The following LHFPL2 variants were observed in gnomAD, a reference collection of about 807,000 sequenced individuals.
The protein encoded by LHFPL2 is LHFPL tetraspan subfamily member 2.
Under a neutral mutation model 17.5 loss-of-function variants are expected in LHFPL2, and 7 were observed. That is an observed-to-expected ratio of 0.40 (90% CI 0.23 to 0.75). LHFPL2 has a LOEUF of 0.75. Among genes scored for constraint, LHFPL2 ranks in the 30% least tolerant of loss-of-function variants. The pLI, the probability that LHFPL2 is intolerant of heterozygous loss-of-function variation, is 0.37. For synonymous variants in LHFPL2, 134 were observed against 116.2 expected (o/e 1.15, Z -0.99); for missense variants, 241 against 294.8 (o/e 0.82, Z 1.34).
chr5:78,547,668 A>C (rs530187447), intron 3 of LHFPL2, among the ~76,000 whole-genome samples: 11 of 151,706 alleles, frequency 7.3e-5, no homozygotes, highest in African/African-American at 2.7e-4. Context: ...AACAGGGACA[A>C]AAAAAAAATT....
At chr5:78,508,744 C>G (rs373315557) in intron 4 of LHFPL2, among the ~76,000 whole-genome samples, 2 of 152,176 alleles carry the variant, frequency 1.3e-5, no homozygotes, top group African/African-American at 2.4e-5. Context: ...CTAGAATTTG[C>G]TGAGGGATGA....
At chr5:78,631,840 G>A (rs1378856069) in intron 2 of LHFPL2, among the ~76,000 whole-genome samples, 3 of 151,650 alleles carry the variant, frequency 2.0e-5, no homozygotes, top group Non-Finnish European at 2.9e-5. Context: ...GGAGGCTGAG[G>A]CAGGAGAATG....
At position 78,622,804 on chromosome 5, in the gene LHFPL2, G is replaced by C. The variant is rs889682778; in HGVS notation, c.-245+9460C>G. ...ATGCTCTTTAGATTCAGGGTGAGCT[G>C]GGCTGCTTGTGAGGTACAACTGGGA... On this transcript the variant is annotated intron_variant, in intron 2 of 4. Transcript: ENST00000380345. Among the ~76,000 whole-genome samples, 7 of 152,290 alleles carry C rather than the reference G, an allele frequency of 4.6e-5. No homozygotes were observed. The South Asian group carries it at 6.2e-4, about 14-fold the overall frequency.
chr5:78,605,660 T>G (rs1207397173), intron 2 of LHFPL2, among the ~76,000 whole-genome samples: 1 of 152,176 alleles, frequency 6.6e-6, no homozygotes, highest in East Asian at 1.9e-4. Context: ...CAATTTTAAT[T>G]AAATAATTCT....
chr5:78,547,265 C>G (rs1756305103), intron 3 of LHFPL2, among the ~76,000 whole-genome samples: 1 of 152,264 alleles, frequency 6.6e-6, no homozygotes, highest in Admixed American at 6.5e-5. Flanking sequence ...GCAGAGCCCA[C>G]AAACCACGAT....
At chr5:78,491,850 T>C (rs1162986447) in intron 4 of LHFPL2, among the ~76,000 whole-genome samples, 3 of 152,170 alleles carry the variant, frequency 2.0e-5, no homozygotes, top group African/African-American at 7.2e-5. Flanking sequence ...ATCAGCTCAT[T>C]GTTAAGGGCA....
intron 2 of LHFPL2, chr5:78,626,562 C>T (rs1478933891): frequency 6.6e-6 from 1 of 152,176 alleles, no homozygotes; most frequent in African/African-American, 2.4e-5. Flanking sequence ...TGGAGTCTTG[C>T]CTTCTGGGAG....
At chr5:78,500,862 A>G (rs529837612) in intron 4 of LHFPL2, among the ~76,000 whole-genome samples, 1 of 152,308 alleles carries the variant, frequency 6.6e-6, no homozygotes, top group East Asian at 1.9e-4. Flanking sequence ...TACTTATGCC[A>G]TAACTGTCTA....
chr5:78,504,144 G>C (rs1370217210), intron 4 of LHFPL2, among the ~76,000 whole-genome samples: 2 of 152,226 alleles, frequency 1.3e-5, no homozygotes, highest in African/African-American at 2.4e-5. Context: ...AGCATCATCT[G>C]TCTGGACAGC....
chr5:78,525,880 G>C (rs922925298), intron 3 of LHFPL2, among the ~76,000 whole-genome samples: 20 of 152,216 alleles, frequency 1.3e-4, no homozygotes, highest in African/African-American at 4.6e-4. Context: ...AAGAAGAAAA[G>C]TAATATGGCT....
At chr5:78,580,486 G>A (rs960902676) in intron 2 of LHFPL2, among the ~76,000 whole-genome samples, 50 of 149,268 alleles carry the variant, frequency 3.3e-4, no homozygotes, top group Non-Finnish European at 2.7e-4. Flanking sequence ...TAGGTCTAAC[G>A]TTTAAGTCTT....
intron 1 of LHFPL2, among the ~76,000 whole-genome samples, chr5:78,640,571 T>C (rs1745629163): frequency 6.6e-6 from 1 of 152,188 alleles, no homozygotes; most frequent in Admixed American, 6.5e-5. Flanking sequence ...TCCAGTTTTG[T>C]ACAAAAACCA....
intron 1 of LHFPL2, chr5:78,642,297 A>G (rs1745695930): frequency 1.3e-5 from 2 of 152,220 alleles, no homozygotes; most frequent in Admixed American, 1.3e-4. Context: ...GGGGACACAA[A>G]TATTCAGTCC....
chr5:78,505,625 C>A (rs1754909695), intron 4 of LHFPL2, among the ~76,000 whole-genome samples: 1 of 152,160 alleles, frequency 6.6e-6, no homozygotes, highest in African/African-American at 2.4e-5. Context: ...ACAGGGAAGG[C>A]CCCTACACAC....
intron 4 of LHFPL2, among the ~76,000 whole-genome samples, chr5:78,499,168 T>TG (rs1754696649): frequency 6.6e-6 from 1 of 152,142 alleles, no homozygotes; most frequent in Non-Finnish European, 1.5e-5. Flanking sequence ...AAAGATGAAA[T>TG]GGAGATGAAA....
At chr5:78,513,272 G>A (rs2112329157) in intron 3 of LHFPL2, among the ~76,000 whole-genome samples, 1 of 152,266 alleles carries the variant, frequency 6.6e-6, no homozygotes, top group Non-Finnish European at 1.5e-5. Context: ...TCTGGGCTTA[G>A]CAAAATGCCT....
intron 3 of LHFPL2, among the ~76,000 whole-genome samples, chr5:78,551,341 G>C (rs981747916): frequency 3.3e-5 from 5 of 152,168 alleles, no homozygotes; most frequent in African/African-American, 4.8e-5. Context: ...GAGAATGGCT[G>C]AACGTCAAAT....
intron 2 of LHFPL2, among the ~76,000 whole-genome samples, chr5:78,580,863 GT>G (rs1409440391): frequency 3.9e-5 from 6 of 152,120 alleles, no homozygotes; most frequent in African/African-American, 1.4e-4. Context: ...CTTTAAAGTA[GT>G]TTTTTCCAAT....
At chr5:78,490,883 C>G (rs1331561557) in intron 4 of LHFPL2, among the ~76,000 whole-genome samples, 2 of 151,968 alleles carry the variant, frequency 1.3e-5, no homozygotes, top group African/African-American at 2.4e-5. Flanking sequence ...TGGGGAATAT[C>G]AATTCTATCC....
Sources: gnomAD v4.1 joint callset for allele counts (sites outside exome capture counted in the v4.1 genomes callset) on GRCh38, gnomAD v4.1.1 for gene constraint, MANE v1.5 for transcripts, NCBI Gene and HGNC (gene_info 2026-07-23, HGNC 2026-07-21) for gene names.